Variants in NADSYN1 observed in about 807,000 individuals in gnomAD.
The protein encoded by NADSYN1 is glutamine-dependent NAD(+) synthetase.
In NADSYN1, 80 loss-of-function variants were observed where a neutral mutation model predicts 99.3. The ratio of observed to expected loss-of-function variants is 0.81; its 90% confidence interval spans 0.67 to 0.97. The LOEUF (loss-of-function observed/expected upper bound fraction) is 0.97. NADSYN1 is among the 50% of genes least tolerant of loss of function. NADSYN1 has a pLI of 0.00. For missense variants in NADSYN1, 859 were observed against 948.5 expected (o/e 0.91, Z 1.24); for synonymous variants, 385 against 372.1 (o/e 1.03, Z -0.40).
At chr11:71,488,569 A>G (rs1375261380) in intron 16 of NADSYN1, among the ~76,000 whole-genome samples, 1 of 152,108 alleles carries the variant, frequency 6.6e-6, no homozygotes, top group East Asian at 1.9e-4. Context: ...CGTCAGAGAC[A>G]GCTGTTTCCA....
In NADSYN1 at chr11:71,472,501, G is replaced by A; in HGVS notation, c.459+1G>A. 1 of 1,613,346 alleles carries A rather than the reference G, an allele frequency of 6.2e-7. No homozygotes were observed. Among genetic ancestry groups the A allele is most frequent in the Non-Finnish European group, 8.5e-7 (1 of 1,179,276 alleles). On this transcript the variant is annotated splice_donor_variant, in intron 6 of 20. Transcript: ENST00000319023. LOFTEE classifies it high-confidence loss of function. ...GATGATACAGGACCTGACAAAGCAG[G>A]TGAGTCCCTGGGTGTGGAGCCCGTT...
chr11:71,458,004 CAG>C (rs1949524539), intron 2 of NADSYN1, among the ~76,000 whole-genome samples: 1 of 152,308 alleles, frequency 6.6e-6, no homozygotes, highest in African/African-American at 2.4e-5. Flanking sequence ...GCAAGAAACA[CAG>C]GGGCAGCTTT....
intron 18 of NADSYN1, among the ~76,000 whole-genome samples, chr11:71,493,702 C>G (rs1264424227): frequency 6.6e-6 from 1 of 152,248 alleles, no homozygotes; most frequent in African/African-American, 2.4e-5. Context: ...TAATTTCTTC[C>G]AAGAGTTTTA....
At chr11:71,497,348 A>T in intron 18 of NADSYN1, 135 bp from the exon 19 acceptor site, 1 of 1,094,554 alleles carries the variant, frequency 9.1e-7, no homozygotes, top group Non-Finnish European at 1.3e-6. Context: ...ATGGGGAGTA[A>T]AGCCCACCTC....
chr11:71,473,500 A>G, intron 7 of NADSYN1, 69 bp from the exon 8 acceptor site: 1 of 1,534,810 alleles, frequency 6.5e-7, no homozygotes, highest in Non-Finnish European at 9.0e-7. Flanking sequence ...GGAGAGTGCA[A>G]GGGGCTGCCA....
chr11:71,463,030 G>T (rs1949560516), intron 3 of NADSYN1, among the ~76,000 whole-genome samples: 1 of 152,190 alleles, frequency 6.6e-6, no homozygotes, highest in South Asian at 2.1e-4. Context: ...GGTTCCACCT[G>T]TCCCAGGTGG....
In NADSYN1 at chr11:71,454,257, G is replaced by A. The variant is rs1337942520; in HGVS notation, c.86-853G>A. On this transcript the variant is annotated intron_variant, in intron 1 of 20. Transcript: ENST00000319023. Reference sequence around the variant, plus strand: ...CATGGACTGTCACTCTGTTGCCCTGGCTGGAGTGCAGTGGTGTCATCTTGG... The same window carrying A: ...CATGGACTGTCACTCTGTTGCCCTGACTGGAGTGCAGTGGTGTCATCTTGG... Among the ~76,000 whole-genome samples, 6 of 152,326 alleles carry A rather than the reference G, an allele frequency of 3.9e-5. No individual in the cohort carries two copies. In the South Asian group the frequency reaches 8.3e-4, roughly 21 times the overall value.
At chr11:71,473,810 G>A (rs953459541) in intron 8 of NADSYN1, 124 bp downstream of exon 8, 6 of 783,528 alleles carry the variant, frequency 7.7e-6, no homozygotes, top group Non-Finnish European at 1.3e-5. Flanking sequence ...TAGTAATTAT[G>A]GCCTGGACTC....
At chr11:71,473,159 C>G (rs572610641) in intron 6 of NADSYN1, 119 bp from the exon 7 acceptor site, 2 of 971,666 alleles carry the variant, frequency 2.1e-6, no homozygotes, top group African/African-American at 1.6e-5. Context: ...TCGGAATGTG[C>G]GAGAGCCCAG....
Position 71,491,886 on chromosome 11 carries a change from G to A in NADSYN1, c.1747G>A (p.Val583Met), listed in dbSNP as rs756850612. 1.1e-5 allele frequency: 17 copies of A among 1,613,964 alleles called. No homozygotes were observed. The highest frequency in any genetic ancestry group is 1.3e-5 in the African/African-American group (1 of 74,928). Residue 583 changes from valine (V) to methionine (M), a missense_variant, in exon 18 of 21, where the codon GTG becomes ATG. Val to Met is a conservative substitution (Grantham distance 21, BLOSUM62 1). Transcript: ENST00000319023. The stretch of plus-strand genomic sequence containing the variant: ...GCTGGAGCCCTTGGCTGATGGACAG[G>A]TGTCCCAGACCGACGAGGTAATGGC... ...AELEPLADGQ[V>M]SQTDEEDMGM...
intron 1 of NADSYN1, among the ~76,000 whole-genome samples, 180 bp downstream of exon 1, chr11:71,453,561 G>A (rs1212815592): frequency 6.6e-6 from 1 of 152,226 alleles, no homozygotes; most frequent in Non-Finnish European, 1.5e-5. Flanking sequence ...TCCTCGTCGG[G>A]AAGTGAGTGT....
At chr11:71,463,932 G>C (rs1195614337) in intron 4 of NADSYN1, 121 bp from the exon 5 acceptor site, 23 of 791,704 alleles carry the variant, frequency 2.9e-5, no homozygotes, top group Non-Finnish European at 4.5e-5. Context: ...GATTTGCTCG[G>C]GGCCCCATTC....
At chr11:71,468,086 C>T (rs560541340) in intron 5 of NADSYN1, among the ~76,000 whole-genome samples, 5 of 152,254 alleles carry the variant, frequency 3.3e-5, no homozygotes, top group East Asian at 3.9e-4. Context: ...AGAGAGTCAC[C>T]GGCAGCCAGG....
At chr11:71,489,731 C>T (rs1474040275) in intron 16 of NADSYN1, among the ~76,000 whole-genome samples, 7 of 152,174 alleles carry the variant, frequency 4.6e-5, no homozygotes, top group Admixed American at 1.3e-4. Flanking sequence ...CTTACACCCC[C>T]GACATTGCAC....
Position 71,480,768 on chromosome 11 carries a change from G to A in NADSYN1, c.887G>A (p.Ser296Asn). 1.2e-6 allele frequency: 2 copies of A among 1,614,148 alleles called. No individual in the cohort carries two copies. The highest frequency in any genetic ancestry group is 1.7e-6 in the Non-Finnish European group (2 of 1,180,018). Residue 296 changes from serine to asparagine, a missense_variant, in exon 11 of 21, where the codon AGC (serine) becomes AAC (asparagine). Transcript: ENST00000319023. ...SSRNLAASRA[S>N]PYPRVKVDFA... is the part of the protein sequence containing the mutation. Reference sequence around the variant, plus strand: ...CTCCATTGCCAGGCCAGCAGGGCGAGCCCCTACCCCAGAGTGAAGGTGGAC... The same window carrying A: ...CTCCATTGCCAGGCCAGCAGGGCGAACCCCTACCCCAGAGTGAAGGTGGAC...
At chr11:71,476,679 G>A in intron 9 of NADSYN1, 4 of 984,138 alleles carry the variant, frequency 4.1e-6, no homozygotes, top group Non-Finnish European at 4.8e-6. Flanking sequence ...TTGAAGAGAA[G>A]GATTAAGTTC....
Position 71,480,778 on chromosome 11 carries a change from C to G in NADSYN1, c.897C>G (p.Pro299=), listed in dbSNP as rs1419747289. The stretch of plus-strand genomic sequence containing the variant: ...AGGCCAGCAGGGCGAGCCCCTACCC[C>G]AGAGTGAAGGTGGACTTTGCCCTCT... The part of the protein sequence containing the change: ...NLAASRASPY[P]RVKVDFALSC... Residue 299 remains proline, a synonymous_variant, in exon 11 of 21, where the codon CCC becomes CCG. Coordinates refer to ENST00000319023, the MANE Select transcript of NADSYN1 (RefSeq NM_018161.5). 1 of 1,614,178 alleles carries G rather than the reference C, an allele frequency of 6.2e-7. No homozygotes were observed. The highest frequency in any genetic ancestry group is 8.5e-7 in the Non-Finnish European group (1 of 1,180,022).
intron 1 of NADSYN1, among the ~76,000 whole-genome samples, chr11:71,454,429 C>T (rs1455192804): frequency 6.6e-6 from 1 of 152,222 alleles, no homozygotes; most frequent in African/African-American, 2.4e-5. Flanking sequence ...CCATGCTGGC[C>T]TCGAACTCCT....
chr11:71,458,605 A>G, intron 3 of NADSYN1, 61 bp downstream of exon 3: 2 of 1,144,596 alleles, frequency 1.7e-6, no homozygotes, highest in South Asian at 2.4e-5. Flanking sequence ...CAAGGGCATG[A>G]CCCACCCAAC....
Sources: gnomAD v4.1 joint callset for allele counts (sites outside exome capture counted in the v4.1 genomes callset) on GRCh38, gnomAD v4.1.1 for gene constraint, MANE v1.5 for transcripts, NCBI Gene and HGNC (gene_info 2026-07-23, HGNC 2026-07-21) for gene names.